Variants in PIK3R4 observed in about 807,000 individuals in gnomAD.
The protein encoded by PIK3R4 is phosphoinositide 3-kinase regulatory subunit 4.
PIK3R4 carries 46 observed loss-of-function variants against 136.5 expected under a neutral mutation model. That is an observed-to-expected ratio of 0.34 (90% CI 0.27 to 0.43). The LOEUF (loss-of-function observed/expected upper bound fraction) is 0.43, where lower values mean the gene tolerates loss of function less well. Ranked by LOEUF, PIK3R4 falls within the 20% of genes least tolerant of loss-of-function variation. PIK3R4 has a pLI of 1.00. For synonymous variants in PIK3R4, 557 were observed against 566.7 expected (o/e 0.98, Z 0.24); for missense variants, 1,331 against 1,649.5 (o/e 0.81, Z 3.35).
chr3:130,729,949 T>C (rs1576462246), intron 5 of PIK3R4, among the ~76,000 whole-genome samples: 1 of 152,198 alleles, frequency 6.6e-6, no homozygotes, highest in African/African-American at 2.4e-5. Context: ...CAATTTATGA[T>C]TGAGGATACT....
rs139068565 is a variant in PIK3R4 at position 130,679,313 on chromosome 3, T to TTTTA, written c.4075_*1dup. 1.5e-5 allele frequency: 23 copies of TTTTA among 1,578,258 alleles called. No individual in the cohort carries two copies. Among genetic ancestry groups the TTTTA allele is most frequent in the Middle Eastern group, 1.8e-4 (1 of 5,528 alleles). On this transcript the variant is annotated 3_prime_UTR_variant, in exon 20 of 20. Transcript: ENST00000356763. ...ATTAAAATTTATACAAATCAGTAGG[T>TTTTA]TTTATTTCCACACCTTCACAATCCC...
chr3:130,694,108 CAGACATAGACAT>C, intron 13 of PIK3R4, among the ~76,000 whole-genome samples: 1 of 152,156 alleles, frequency 6.6e-6, no homozygotes, highest in African/African-American at 2.4e-5. Flanking sequence ...ATATATGACA[CAGACATAGACAT>C]AGACATGATC....
intron 9 of PIK3R4, among the ~76,000 whole-genome samples, chr3:130,710,932 A>G (rs1454678090): frequency 6.6e-6 from 1 of 152,068 alleles, no homozygotes; most frequent in African/African-American, 2.4e-5. Flanking sequence ...GAAAATGTGT[A>G]AGAATCAAGG....
At chr3:130,743,959 A>G (rs1280636707) in intron 2 of PIK3R4, among the ~76,000 whole-genome samples, 1 of 152,210 alleles carries the variant, frequency 6.6e-6, no homozygotes, top group Non-Finnish European at 1.5e-5. Context: ...GCCTGAAACA[A>G]ACTACTCTAC....
chr3:130,681,385 A>AAAC (rs2066457288), intron 17 of PIK3R4, 106 bp downstream of exon 17: 3 of 777,948 alleles, frequency 3.9e-6, no homozygotes, highest in Non-Finnish European at 4.4e-6. Context: ...ACCCAAATTT[A>AAAC]AACATAACCC....
chr3:130,721,439 T>G (rs1411438195), intron 7 of PIK3R4, among the ~76,000 whole-genome samples: 1 of 152,118 alleles, frequency 6.6e-6, no homozygotes, highest in Non-Finnish European at 1.5e-5. Flanking sequence ...TGAAGGGATA[T>G]CTGCAATCCC....
Position 130,742,824 on chromosome 3 carries a change from CAG to C in PIK3R4, c.733+1660_733+1661del, listed in dbSNP as rs1323840960. 2.6e-5 allele frequency among the ~76,000 whole-genome samples: 4 copies of C among 152,216 alleles called. 1 individual carries two copies. The highest frequency in any genetic ancestry group is 2.6e-4 in the Admixed American group (4 of 15,284). ...ATGCCAGATTTCTTTTGAAGTCTAT[CAG>C]AGTACCACTCTCAACACACTTCTTC... On this transcript the variant is annotated intron_variant, in intron 2 of 19. Transcript: ENST00000356763.
intron 2 of PIK3R4, among the ~76,000 whole-genome samples, chr3:130,740,735 A>C (rs1438465333): frequency 6.6e-6 from 1 of 152,156 alleles, no homozygotes; most frequent in Non-Finnish European, 1.5e-5. Context: ...GTCTCAAAAA[A>C]TAAAAATAAA....
At chr3:130,689,571 T>C (rs1356332778) in intron 14 of PIK3R4, among the ~76,000 whole-genome samples, 1 of 152,146 alleles carries the variant, frequency 6.6e-6, no homozygotes, top group African/African-American at 2.4e-5. Flanking sequence ...ACCCAACAAA[T>C]ATCCCTTTCT....
At position 130,733,913 on chromosome 3, in the gene PIK3R4, A is replaced by C. The variant is rs1559830430; in HGVS notation, c.1085T>G (p.Leu362Arg). ...AGGCTCTCCTTCGGCTTTTTCTGGC[A>C]GATCATGTCCACAGAGATTGTGAAT... ...NIIHNLCGHD[L>R]PEKAEGEPKE... Residue 362 changes from leucine (L) to arginine (R), a missense_variant, in exon 4 of 20, where the codon CTG becomes CGG. Physicochemically the swap from Leu to Arg is moderately radical, Grantham distance 102. Around this residue, in one of 2 missense-constraint regions of PIK3R4, gnomAD observed 1,180 missense variants for 1,407.0 expected, o/e 0.84. Transcript: ENST00000356763. The C allele has an allele frequency of 1.2e-6, 2 of 1,614,120 alleles. No individual in the cohort carries two copies. The highest frequency in any genetic ancestry group is 1.7e-6 in the Non-Finnish European group (2 of 1,179,968).
intron 13 of PIK3R4, among the ~76,000 whole-genome samples, chr3:130,695,205 A>G (rs1331284161): frequency 6.6e-6 from 1 of 152,094 alleles, no homozygotes; most frequent in Non-Finnish European, 1.5e-5. Context: ...ACCTATATTA[A>G]TTATGGGTAT....
At position 130,744,989 on chromosome 3, in the gene PIK3R4, C is replaced by T. The variant is rs1252797992; in HGVS notation, c.230G>A (p.Arg77Lys). The T allele has an allele frequency of 6.2e-7, 1 of 1,613,914 alleles. No homozygotes were observed. The highest frequency in any genetic ancestry group is 1.3e-5 in the African/African-American group (1 of 74,880). Reference protein sequence around the residue: ...YKQELEELKIRLNSAQNCLPF... With the variant: ...YKQELEELKIKLNSAQNCLPF... ...TAGACAATTCTGTGCAGAATTAAGC[C>T]TGATTTTCAGTTCCTCCAGCTCTTG... The change falls in exon 2 of 20, where the codon AGG becomes AAG. Residue 77 changes from arginine (R) to lysine (K), a missense_variant. Arg to Lys is a conservative substitution (Grantham distance 26). Coordinates refer to ENST00000356763, the MANE Select transcript of PIK3R4 (RefSeq NM_014602.3).
At chr3:130,716,678 G>A in intron 8 of PIK3R4, 79 bp from the exon 9 acceptor site, 1 of 843,928 alleles carries the variant, frequency 1.2e-6, no homozygotes, top group Middle Eastern at 3.6e-4. Context: ...TACAACTTGA[G>A]AAAAGTTAAC....
At chr3:130,689,835 T>C (rs116472929) in intron 14 of PIK3R4, among the ~76,000 whole-genome samples, 2,382 of 152,328 alleles carry the variant, frequency 0.016, 63 homozygotes, top group African/African-American at 0.055. Flanking sequence ...TCTTAAAGCA[T>C]AACATATCTT....
At chr3:130,744,384 C>T in intron 2 of PIK3R4, 102 bp downstream of exon 2, 2 of 1,284,014 alleles carry the variant, frequency 1.6e-6, no homozygotes, top group South Asian at 1.5e-5. Context: ...CAAACCAAGA[C>T]ATTAACTTTT....
chr3:130,695,681 A>C (rs2066541925), intron 13 of PIK3R4, among the ~76,000 whole-genome samples: 1 of 152,150 alleles, frequency 6.6e-6, no homozygotes, highest in Admixed American at 6.5e-5. Context: ...CTTTTATTAA[A>C]ATATATTATT....
At position 130,686,389 on chromosome 3, in the gene PIK3R4, C is replaced by A; in HGVS notation, c.3297G>T (p.Val1099=). 6.2e-7 allele frequency: 1 copy of A among 1,612,018 alleles called. No homozygotes were observed. Among genetic ancestry groups the A allele is most frequent in the South Asian group, 1.1e-5 (1 of 91,044 alleles). The change falls in exon 15 of 20, where the codon GTG becomes GTT. Residue 1099 remains valine (V), a synonymous_variant. Transcript: ENST00000356763. Reference sequence around the variant, plus strand: ...CTCCAGAGTTGAAGTGATGCATATCCACAACACAACCGTCCTCCTTCTGAT... The same window carrying A: ...CTCCAGAGTTGAAGTGATGCATATCAACAACACAACCGTCCTCCTTCTGAT... ...ILDQKEDGCV[V]DMHHFNSGAQ... is the part of the protein sequence containing the mutation.
At position 130,723,502 on chromosome 3, in the gene PIK3R4, G is replaced by A. The variant is rs1207064582; in HGVS notation, c.1893C>T (p.Val631=). The A allele has an allele frequency of 6.2e-7, 1 of 1,614,014 alleles. No individual in the cohort carries two copies. Among genetic ancestry groups the A allele is most frequent in the Admixed American group, 1.7e-5 (1 of 60,020 alleles). The change falls in exon 7 of 20, where the codon GTC becomes GTT. Residue 631 remains valine, a synonymous_variant. Coordinates refer to ENST00000356763, the MANE Select transcript of PIK3R4 (RefSeq NM_014602.3). ...QQGLSDAEEF[V]IVKALYALTC... is the part of the protein sequence containing the mutation. ...TAAGGGCATAAAGAGCTTTCACAAT[G>A]ACAAATTCCTCAGCATCACTAAGAC...
At chr3:130,741,904 T>C (rs754378490) in intron 2 of PIK3R4, among the ~76,000 whole-genome samples, 27 of 152,206 alleles carry the variant, frequency 1.8e-4, no homozygotes, top group Non-Finnish European at 2.9e-4. Context: ...AGAATATATA[T>C]GGTAAGTCCT....
Sources: allele counts gnomAD v4.1 joint callset (sites outside exome capture counted in the v4.1 genomes callset), GRCh38; gene constraint gnomAD v4.1.1; regional missense constraint gnomAD v4.1.1; transcripts MANE v1.5; gene names NCBI Gene and HGNC (gene_info 2026-07-23, HGNC 2026-07-21).